MON2: variants seen among roughly 807,000 people sequenced by gnomAD.
The protein encoded by MON2 is protein MON2 homolog.
Under a neutral mutation model 208.6 loss-of-function variants are expected in MON2, and 84 were observed. That is an observed-to-expected ratio of 0.40 (90% CI 0.34 to 0.48). The LOEUF is 0.48. Ranked by LOEUF, MON2 falls within the 20% of genes least tolerant of loss-of-function variation. The pLI, the probability that MON2 is intolerant of heterozygous loss-of-function variation, is 0.59. For missense variants in MON2, 1,611 were observed against 2,015.4 expected (o/e 0.80, Z 3.84); for synonymous variants, 660 against 694.0 (o/e 0.95, Z 0.77).
At chr12:62,587,409 A>G (rs553657059) in intron 33 of MON2, among the ~76,000 whole-genome samples, 1 of 152,086 alleles carries the variant, frequency 6.6e-6, no homozygotes, top group South Asian at 2.1e-4. Context: ...GAGAAGTTTT[A>G]AAAGCATGTA....
chr12:62,470,882 C>A, intron 1 of MON2: 1 of 329,364 alleles, frequency 3.0e-6, no homozygotes, highest in Non-Finnish European at 4.4e-6. Flanking sequence ...GTAACATTGC[C>A]TTGACAGTTG....
At chr12:62,475,573 T>A (rs2135962958) in intron 1 of MON2, among the ~76,000 whole-genome samples, 1 of 151,724 alleles carries the variant, frequency 6.6e-6, no homozygotes, top group South Asian at 2.1e-4. Context: ...AGTAATTTAG[T>A]ATTTTTAGTA....
chr12:62,535,807 A>G (rs2072938895), intron 14 of MON2, 98 bp downstream of exon 14: 2 of 840,480 alleles, frequency 2.4e-6, no homozygotes, highest in Non-Finnish European at 3.3e-6. Flanking sequence ...GCTTTTTCAC[A>G]TACTGACTGT....
intron 29 of MON2, among the ~76,000 whole-genome samples, chr12:62,568,980 A>G (rs1247812693): frequency 6.6e-6 from 1 of 152,048 alleles, no homozygotes; most frequent in Admixed American, 6.5e-5. Context: ...AAAGGAGTTA[A>G]ATGATCTCTT....
chr12:62,578,558 T>C (rs1025233453), intron 31 of MON2, 53 bp downstream of exon 31: 3 of 1,155,858 alleles, frequency 2.6e-6, no homozygotes, highest in Non-Finnish European at 3.7e-6. Context: ...AACCAAATAG[T>C]AAAAATGTTT....
At chr12:62,521,058 T>C (rs1267793585) in intron 8 of MON2, among the ~76,000 whole-genome samples, 4 of 151,716 alleles carry the variant, frequency 2.6e-5, no homozygotes, top group African/African-American at 9.7e-5. Context: ...CAGGTTGGAG[T>C]GCAGTGGCGC....
intron 8 of MON2, among the ~76,000 whole-genome samples, chr12:62,513,442 T>C (rs1431240546): frequency 6.6e-6 from 1 of 151,842 alleles, no homozygotes; most frequent in African/African-American, 2.4e-5. Flanking sequence ...GCCAGGCTGG[T>C]CTTGAACTCC....
chr12:62,508,982 A>G (rs1308584478), intron 8 of MON2: 2 of 152,734 alleles, frequency 1.3e-5, no homozygotes, highest in African/African-American at 2.4e-5. Flanking sequence ...TGATAATTCT[A>G]TTTATGTAAT....
At chr12:62,574,184 A>C (rs529269461) in intron 30 of MON2, among the ~76,000 whole-genome samples, 1 of 152,316 alleles carries the variant, frequency 6.6e-6, no homozygotes, top group Non-Finnish European at 1.5e-5. Context: ...TTAGAATAGC[A>C]CCTGGCATGT....
At chr12:62,585,165 T>G in intron 32 of MON2, 129 bp from the exon 33 acceptor site, 1 of 659,702 alleles carries the variant, frequency 1.5e-6, no homozygotes, top group South Asian at 1.9e-5. Flanking sequence ...TGCTATTAGC[T>G]ATAGGTTGTT....
intron 8 of MON2, among the ~76,000 whole-genome samples, chr12:62,519,546 A>C (rs1414631999): frequency 6.6e-6 from 1 of 152,198 alleles, no homozygotes. Context: ...TGTTAACATA[A>C]ATTTTTATGA....
chr12:62,517,318 G>GT (rs2071751973), intron 8 of MON2, among the ~76,000 whole-genome samples: 1 of 152,146 alleles, frequency 6.6e-6, no homozygotes, highest in African/African-American at 2.4e-5. Flanking sequence ...CATCTTCATA[G>GT]TAACAAATGC....
At chr12:62,533,519 G>A (rs1036191976) in intron 12 of MON2, among the ~76,000 whole-genome samples, 3 of 152,162 alleles carry the variant, frequency 2.0e-5, no homozygotes, top group Non-Finnish European at 2.9e-5. Flanking sequence ...TTCCCAACAT[G>A]GCCAATGGGA....
intron 31 of MON2, 126 bp downstream of exon 31, chr12:62,578,631 C>T: frequency 1.7e-6 from 1 of 602,910 alleles, no homozygotes. Flanking sequence ...AGCATTAAAA[C>T]TCTTACAGGT....
intron 19 of MON2, among the ~76,000 whole-genome samples, chr12:62,540,694 T>C: frequency 6.6e-6 from 1 of 152,158 alleles, no homozygotes; most frequent in Non-Finnish European, 1.5e-5. Flanking sequence ...TCTTTGAAAA[T>C]GGATTTACAT....
intron 31 of MON2, among the ~76,000 whole-genome samples, chr12:62,579,643 G>A (rs191728837): frequency 8.6e-4 from 131 of 152,068 alleles, no homozygotes; most frequent in African/African-American, 2.7e-3. Flanking sequence ...GGGGAATGGC[G>A]TGAGCCTGGG....
intron 28 of MON2, 21 bp from the exon 29 acceptor site, chr12:62,566,301 T>C: frequency 6.3e-7 from 1 of 1,597,254 alleles, no homozygotes. Context: ...TTTAACTGCA[T>C]GTGAAAATAT....
chr12:62,528,563 T>TTAGGTTTA (rs1298155743), intron 11 of MON2, among the ~76,000 whole-genome samples: 2 of 152,188 alleles, frequency 1.3e-5, no homozygotes, highest in South Asian at 2.1e-4. Flanking sequence ...GTGTTTTCTT[T>TTAGGTTTA]TAGGTTTATG....
chr12:62,565,822 T>C (rs545817359), intron 27 of MON2, 192 bp from the exon 28 acceptor site: 22 of 537,146 alleles, frequency 4.1e-5, no homozygotes, highest in African/African-American at 3.3e-4. Context: ...TTTAGTTGGA[T>C]TTTATATAAA....
Sources: gnomAD v4.1 joint callset for allele counts (sites outside exome capture counted in the v4.1 genomes callset) on GRCh38, gnomAD v4.1.1 for gene constraint, MANE v1.5 for transcripts, NCBI Gene and HGNC (gene_info 2026-07-23, HGNC 2026-07-21) for gene names.